Variants in SYNPR observed in about 807,000 individuals in gnomAD.
The protein encoded by SYNPR is synaptoporin.
Under a neutral mutation model 32.9 loss-of-function variants are expected in SYNPR, and 23 were observed. The observed-to-expected ratio is 0.70, with a 90% CI of 0.50 to 0.99. The LOEUF (loss-of-function observed/expected upper bound fraction) is 0.99, where lower values mean the gene tolerates loss of function less well. SYNPR is among the 50% of genes least tolerant of loss of function. The pLI is 0.00. For missense variants in SYNPR, 318 were observed against 349.3 expected (o/e 0.91, Z 0.71); for synonymous variants, 146 against 135.9 (o/e 1.07, Z -0.52).
At chr3:63,526,335 G>A (rs1001191210) in intron 3 of SYNPR, among the ~76,000 whole-genome samples, 1 of 152,168 alleles carries the variant, frequency 6.6e-6, no homozygotes, top group African/African-American at 2.4e-5. Flanking sequence ...CTGCACCTCT[G>A]TGCATTATAT....
intron 2 of SYNPR, among the ~76,000 whole-genome samples, chr3:63,339,027 C>T (rs560502896): frequency 1.3e-5 from 2 of 152,194 alleles, no homozygotes; most frequent in South Asian, 2.1e-4. Context: ...TTGCCTGCTG[C>T]GTTTGCTTGT....
Position 63,392,343 on chromosome 3 carries a change from T to C in SYNPR, c.85-88489T>C, listed in dbSNP as rs145998679. ...GCCATTGTACACAAACTCTTCAAATTATCATTTTCTGTCCCACATTTGCCA... is the reference window on the plus strand; with the variant it reads ...GCCATTGTACACAAACTCTTCAAATCATCATTTTCTGTCCCACATTTGCCA... On this transcript the variant is annotated intron_variant, in intron 2 of 5. Coordinates refer to ENST00000478300, the MANE Select transcript of SYNPR (RefSeq NM_001130003.2). Among the ~76,000 whole-genome samples, 633 of 152,252 alleles carry C rather than the reference T, an allele frequency of 4.2e-3. 10 individuals carry two copies. Among genetic ancestry groups the C allele is most frequent in the African/African-American group, 0.015 (603 of 41,522 alleles).
chr3:63,563,448 T>G (rs927496756), intron 4 of SYNPR, among the ~76,000 whole-genome samples: 2 of 152,328 alleles, frequency 1.3e-5, no homozygotes, highest in Non-Finnish European at 2.9e-5. Flanking sequence ...TGTTTGAGTA[T>G]AATTAGATAC....
chr3:63,612,455 T>C (rs1575737340), intron 5 of SYNPR, among the ~76,000 whole-genome samples: 1 of 152,322 alleles, frequency 6.6e-6, no homozygotes, highest in South Asian at 2.1e-4. Context: ...TCCAGACAAA[T>C]CTTAGTACAT....
chr3:63,308,595 T>C (rs1451851958), intron 2 of SYNPR, among the ~76,000 whole-genome samples: 1 of 151,986 alleles, frequency 6.6e-6, no homozygotes, highest in Non-Finnish European at 1.5e-5. Context: ...AAGTTCTAGA[T>C]TGCAAGGGGT....
intron 2 of SYNPR, among the ~76,000 whole-genome samples, chr3:63,328,195 AAC>A (rs1327879318): frequency 6.6e-6 from 1 of 152,128 alleles, no homozygotes; most frequent in East Asian, 1.9e-4. Context: ...AAAAAAATTC[AAC>A]ACACTCTCAG....
chr3:63,388,261 C>A (rs1031599526), intron 2 of SYNPR, among the ~76,000 whole-genome samples: 13 of 151,904 alleles, frequency 8.6e-5, no homozygotes, highest in Admixed American at 6.6e-5. Flanking sequence ...GATAATATGT[C>A]CTTTATTCCT....
chr3:63,236,408 A>G (rs1463822010), intron 1 of SYNPR, among the ~76,000 whole-genome samples: 1 of 152,112 alleles, frequency 6.6e-6, no homozygotes, highest in East Asian at 1.9e-4. Context: ...CTGTATCTAC[A>G]AAAACCTTGC....
At chr3:63,417,474 A>G (rs943006778) in intron 2 of SYNPR, among the ~76,000 whole-genome samples, 1 of 152,244 alleles carries the variant, frequency 6.6e-6, no homozygotes, top group African/African-American at 2.4e-5. Context: ...TTTGGAAGGC[A>G]GTGGCCCTCT....
intron 2 of SYNPR, among the ~76,000 whole-genome samples, chr3:63,479,455 CAT>C (rs200676090): frequency 4.6e-5 from 7 of 152,178 alleles, no homozygotes; most frequent in African/African-American, 7.2e-5. Context: ...TGCACACACA[CAT>C]ACACACACAC....
chr3:63,608,275 A>T (rs2106902542), intron 4 of SYNPR, among the ~76,000 whole-genome samples: 1 of 152,244 alleles, frequency 6.6e-6, no homozygotes, highest in South Asian at 2.1e-4. Flanking sequence ...TTCGTTTGAT[A>T]TGGATAAAAG....
At chr3:63,224,567 G>A (rs1243892792), upstream of SYNPR, among the ~76,000 whole-genome samples, 2 of 152,178 alleles carry the variant, frequency 1.3e-5, no homozygotes, top group African/African-American at 2.4e-5. Flanking sequence ...TTTTTTAAAG[G>A]AGGCATGAAA....
chr3:63,365,133 G>T (rs1266712438), intron 2 of SYNPR, among the ~76,000 whole-genome samples: 1 of 152,178 alleles, frequency 6.6e-6, no homozygotes, highest in East Asian at 1.9e-4. Context: ...CCAGCAGAGG[G>T]CTGTGGCTTT....
chr3:63,560,700 T>C (rs1405892608), intron 4 of SYNPR, among the ~76,000 whole-genome samples: 1 of 152,106 alleles, frequency 6.6e-6, no homozygotes, highest in Non-Finnish European at 1.5e-5. Flanking sequence ...CACCTCTTCA[T>C]AGGGCAGACA....
At chr3:63,568,432 G>A (rs965693655) in intron 4 of SYNPR, among the ~76,000 whole-genome samples, 1 of 152,132 alleles carries the variant, frequency 6.6e-6, no homozygotes, top group African/African-American at 2.4e-5. Flanking sequence ...GGGGGACACA[G>A]TAGCAAGACA....
chr3:63,340,187 T>C (rs2087346729), intron 2 of SYNPR, among the ~76,000 whole-genome samples: 1 of 152,208 alleles, frequency 6.6e-6, no homozygotes, highest in Non-Finnish European at 1.5e-5. Context: ...GCATGAATGG[T>C]GTATAGTTTG....
intron 3 of SYNPR, among the ~76,000 whole-genome samples, chr3:63,542,760 G>A (rs1702329748): frequency 6.6e-6 from 1 of 152,070 alleles, no homozygotes; most frequent in Non-Finnish European, 1.5e-5. Context: ...AAAAACTATT[G>A]CTTAGTGTGA....
At chr3:63,555,272 G>A (rs1014133440) in intron 3 of SYNPR, among the ~76,000 whole-genome samples, 2 of 151,186 alleles carry the variant, frequency 1.3e-5, no homozygotes, top group Non-Finnish European at 3.0e-5. Context: ...GTTTTGTTTA[G>A]TAAGAAAAAT....
chr3:63,524,252 A>G (rs1701964678), intron 3 of SYNPR, among the ~76,000 whole-genome samples: 1 of 152,180 alleles, frequency 6.6e-6, no homozygotes, highest in South Asian at 2.1e-4. Flanking sequence ...GAAAAAAATC[A>G]TCTCACATTC....
Sources: gnomAD v4.1 joint callset for allele counts (sites outside exome capture counted in the v4.1 genomes callset) on GRCh38, gnomAD v4.1.1 for gene constraint, MANE v1.5 for transcripts, NCBI Gene and HGNC (gene_info 2026-07-23, HGNC 2026-07-21) for gene names.